The following CNTNAP2 variants were observed in gnomAD, a reference collection of about 807,000 sequenced individuals.
The protein encoded by CNTNAP2 is contactin-associated protein-like 2.
In CNTNAP2, 98 loss-of-function variants were observed where a neutral mutation model predicts 155.2. The observed-to-expected ratio is 0.63, with a 90% CI of 0.54 to 0.75. The LOEUF (loss-of-function observed/expected upper bound fraction) is 0.75. Ranked by LOEUF, CNTNAP2 falls within the 30% of genes least tolerant of loss-of-function variation. CNTNAP2 has a pLI of 0.00. For missense variants in CNTNAP2, 1,727 were observed against 1,688.1 expected (o/e 1.02, Z -0.40); for synonymous variants, 651 against 631.2 (o/e 1.03, Z -0.47).
intron 8 of CNTNAP2, among the ~76,000 whole-genome samples, chr7:147,190,058 TG>T (rs766816821): frequency 6.6e-6 from 1 of 152,148 alleles, no homozygotes; most frequent in Non-Finnish European, 1.5e-5. Context: ...CACCACTTTT[TG>T]AAGATATCTT....
intron 21 of CNTNAP2, among the ~76,000 whole-genome samples, chr7:148,330,790 A>ATGG (rs1563044983): frequency 1.5e-5 from 2 of 132,028 alleles, no homozygotes; most frequent in Non-Finnish European, 3.1e-5. Context: ...TGATGGATGG[A>ATGG]ATGGATGGAT....
intron 15 of CNTNAP2, among the ~76,000 whole-genome samples, chr7:148,002,846 G>A (rs180768845): frequency 1.4e-4 from 22 of 152,202 alleles, no homozygotes; most frequent in African/African-American, 5.3e-4. Context: ...AAGTAATACT[G>A]TTACCGGTAC....
At chr7:146,117,032 G>C (rs1797494400) in intron 1 of CNTNAP2, 59 bp downstream of exon 1, 1 of 1,429,608 alleles carries the variant, frequency 7.0e-7, no homozygotes, top group African/African-American at 1.4e-5. Flanking sequence ...TTGATGTTTG[G>C]CACCAGGGTA....
At chr7:147,715,652 T>C (rs1453288225) in intron 13 of CNTNAP2, among the ~76,000 whole-genome samples, 1 of 152,142 alleles carries the variant, frequency 6.6e-6, no homozygotes, top group African/African-American at 2.4e-5. Context: ...ATTTGTCTTT[T>C]CACCCTTAAC....
chr7:146,370,289 A>AAAAAAAAAAT (rs1563058236), intron 1 of CNTNAP2, among the ~76,000 whole-genome samples: 1 of 139,392 alleles, frequency 7.2e-6, no homozygotes, highest in African/African-American at 2.8e-5. Context: ...AAAAAAAAAA[A>AAAAAAAAAAT]TTAGCCGGCG....
intron 1 of CNTNAP2, among the ~76,000 whole-genome samples, chr7:146,174,201 CA>C (rs922201424): frequency 7.6e-4 from 94 of 124,450 alleles, no homozygotes; most frequent in Non-Finnish European, 5.1e-4. Flanking sequence ...GATGCTGTCT[CA>C]AAAAAAAAAA....
chr7:147,004,663 G>A (rs374495375), intron 3 of CNTNAP2, among the ~76,000 whole-genome samples: 8 of 151,924 alleles, frequency 5.3e-5, no homozygotes, highest in African/African-American at 1.9e-4. Context: ...TTCCTGATAA[G>A]ATAAATGTTC....
intron 10 of CNTNAP2, among the ~76,000 whole-genome samples, chr7:147,417,686 A>G (rs552445395): frequency 1.3e-5 from 2 of 152,292 alleles, no homozygotes; most frequent in East Asian, 3.9e-4. Flanking sequence ...TGGAACCCGT[A>G]TCTGATGATG....
intron 8 of CNTNAP2, among the ~76,000 whole-genome samples, chr7:147,256,642 G>T (rs1804335058): frequency 6.6e-6 from 1 of 152,094 alleles, no homozygotes; most frequent in African/African-American, 2.4e-5. Flanking sequence ...TAAAATTACA[G>T]AAGCAGGGAA....
chr7:147,339,180 G>T (rs1795713957), intron 9 of CNTNAP2, among the ~76,000 whole-genome samples: 1 of 144,936 alleles, frequency 6.9e-6, no homozygotes, highest in African/African-American at 2.7e-5. Context: ...GCTGTGGTTT[G>T]GATGTGATTT....
At chr7:146,837,573 GT>G (rs545171059) in intron 2 of CNTNAP2, among the ~76,000 whole-genome samples, 231 of 151,488 alleles carry the variant, frequency 1.5e-3, no homozygotes, top group African/African-American at 5.3e-3. Flanking sequence ...TTTCTCTCTG[GT>G]TCTAAGACAT....
chr7:147,445,950 A>G (rs2116558601), intron 10 of CNTNAP2, among the ~76,000 whole-genome samples: 1 of 152,026 alleles, frequency 6.6e-6, no homozygotes, highest in East Asian at 1.9e-4. Flanking sequence ...TACTATGGAG[A>G]AAATTTAAAG....
At chr7:147,636,484 G>A (rs1004654176) in intron 12 of CNTNAP2, among the ~76,000 whole-genome samples, 1 of 152,078 alleles carries the variant, frequency 6.6e-6, no homozygotes, top group African/African-American at 2.4e-5. Context: ...GTGCAGGTTT[G>A]TTACATAGAT....
chr7:146,710,457 T>C (rs1394595872), intron 1 of CNTNAP2, among the ~76,000 whole-genome samples: 1 of 152,198 alleles, frequency 6.6e-6, no homozygotes, highest in Non-Finnish European at 1.5e-5. Context: ...CAGAACCATA[T>C]CTTTCCTAGA....
intron 6 of CNTNAP2, among the ~76,000 whole-genome samples, chr7:147,125,571 A>C (rs145126704): frequency 2.4e-3 from 366 of 152,274 alleles, no homozygotes; most frequent in African/African-American, 7.9e-3. Flanking sequence ...CCCACTGTGG[A>C]TATTATGCTG....
intron 9 of CNTNAP2, among the ~76,000 whole-genome samples, chr7:147,317,829 C>T (rs58010909): frequency 0.087 from 7,963 of 91,644 alleles, 279 homozygotes; most frequent in African/African-American, 0.16. Flanking sequence ...TGTGTGTGTG[C>T]GTGTATATAT....
chr7:146,933,731 C>T (rs1401258886), intron 3 of CNTNAP2, among the ~76,000 whole-genome samples: 1 of 151,138 alleles, frequency 6.6e-6, no homozygotes. Context: ...TGAACTCAAA[C>T]AAATTTACAA....
At chr7:146,896,054 A>T (rs1795870642) in intron 3 of CNTNAP2, among the ~76,000 whole-genome samples, 1 of 152,104 alleles carries the variant, frequency 6.6e-6, no homozygotes, top group Non-Finnish European at 1.5e-5. Flanking sequence ...TTTAAATTTA[A>T]GGTGATTTAT....
At chr7:148,196,249 C>T (rs1795275766) in intron 18 of CNTNAP2, among the ~76,000 whole-genome samples, 1 of 152,198 alleles carries the variant, frequency 6.6e-6, no homozygotes, top group African/African-American at 2.4e-5. Flanking sequence ...ACTGTCAAGA[C>T]TCAGCATGGG....
Sources: gnomAD v4.1 joint callset for allele counts (sites outside exome capture counted in the v4.1 genomes callset) on GRCh38, gnomAD v4.1.1 for gene constraint, MANE v1.5 for transcripts, NCBI Gene and HGNC (gene_info 2026-07-23, HGNC 2026-07-21) for gene names.